The following CEP85L variants were observed in gnomAD, a reference collection of about 807,000 sequenced individuals.
The protein encoded by CEP85L is centrosomal protein of 85 kDa-like.
Under a neutral mutation model 100.3 loss-of-function variants are expected in CEP85L, and 60 were observed. The observed-to-expected ratio is 0.60, with a 90% CI of 0.49 to 0.74. CEP85L has a LOEUF of 0.74. Among genes scored for constraint, CEP85L ranks in the 30% least tolerant of loss-of-function variants. CEP85L has a pLI of 0.00. For synonymous variants in CEP85L, 319 were observed against 322.7 expected, an observed-to-expected ratio of 0.99 and a Z score of 0.12; for missense variants, 973 against 936.2, an observed-to-expected ratio of 1.04 and a Z score of -0.51.
intron 3 of CEP85L, among the ~76,000 whole-genome samples, chr6:118,540,833 T>A (rs1777869392): frequency 6.6e-6 from 1 of 152,156 alleles, no homozygotes; most frequent in Non-Finnish European, 1.5e-5. Context: ...CTCATTTCAG[T>A]CAGACCTAGG....
intron 3 of CEP85L, among the ~76,000 whole-genome samples, chr6:118,542,860 C>T (rs1459654277): frequency 7.6e-6 from 1 of 130,956 alleles, no homozygotes; most frequent in Admixed American, 8.8e-5. Context: ...CTGCTAGGAG[C>T]CACATAACCA....
intron 3 of CEP85L, 99 bp downstream of exon 3, chr6:118,565,430 A>C: frequency 8.3e-7 from 1 of 1,197,966 alleles, no homozygotes; most frequent in African/African-American, 1.5e-5. Flanking sequence ...AAGGAAATGC[A>C]AAACAATCTG....
chr6:118,515,916 T>C (rs1280597246), intron 4 of CEP85L, among the ~76,000 whole-genome samples: 2 of 152,048 alleles, frequency 1.3e-5, no homozygotes, highest in East Asian at 1.9e-4. Context: ...CACCCCCAGA[T>C]AGGCCCTGGT....
At chr6:118,492,511 T>C (rs1280170011) in intron 5 of CEP85L, among the ~76,000 whole-genome samples, 1 of 152,148 alleles carries the variant, frequency 6.6e-6, no homozygotes, top group Non-Finnish European at 1.5e-5. Context: ...AAGGAAATTC[T>C]TTTCAAGGGG....
chr6:118,489,940 C>CAT (rs989427655), intron 6 of CEP85L, among the ~76,000 whole-genome samples: 8 of 151,748 alleles, frequency 5.3e-5, no homozygotes, highest in Non-Finnish European at 1.0e-4. Context: ...CACACACACA[C>CAT]ATATATACAC....
chr6:118,499,556 C>T (rs1775140788), intron 5 of CEP85L, among the ~76,000 whole-genome samples: 3 of 151,830 alleles, frequency 2.0e-5, no homozygotes, highest in East Asian at 1.9e-4. Context: ...CCTAGCTACT[C>T]GGGAGGCTGA....
intron 3 of CEP85L, among the ~76,000 whole-genome samples, chr6:118,542,503 A>G (rs1777950405): frequency 6.6e-6 from 1 of 152,166 alleles, no homozygotes; most frequent in African/African-American, 2.4e-5. Flanking sequence ...GTTTAGTATA[A>G]TCAGAACATT....
intron 1 of CEP85L, among the ~76,000 whole-genome samples, chr6:118,701,572 T>C (rs920120878): frequency 9.2e-5 from 14 of 152,224 alleles, no homozygotes; most frequent in African/African-American, 2.6e-4. Context: ...AAGTGAAACA[T>C]TGAGTATTCA....
intron 1 of CEP85L, among the ~76,000 whole-genome samples, chr6:118,640,370 G>A (rs1406079994): frequency 4.6e-5 from 7 of 152,080 alleles, no homozygotes; most frequent in Non-Finnish European, 1.0e-4. Flanking sequence ...GGCTACCTGG[G>A]TTCAAGTTCA....
chr6:118,470,494 G>T, intron 11 of CEP85L, 43 bp downstream of exon 11: 1 of 1,175,108 alleles, frequency 8.5e-7, no homozygotes, highest in Non-Finnish European at 1.2e-6. Flanking sequence ...GCATTTTATA[G>T]TGAATCATCC....
Position 118,500,831 on chromosome 6 carries a change from C to G in CEP85L, c.1258-8966G>C, listed in dbSNP as rs117982083. ...TACCCTGTCTCAAACAAACAAACATCTTGAAGGGACATCTGTTCTACTTCT... is the reference window on the plus strand; with the variant it reads ...TACCCTGTCTCAAACAAACAAACATGTTGAAGGGACATCTGTTCTACTTCT... On this transcript the variant is annotated intron_variant, in intron 5 of 12. Coordinates refer to ENST00000368491, the MANE Select transcript of CEP85L (RefSeq NM_001042475.3). 7.3e-3 allele frequency among the ~76,000 whole-genome samples: 1,117 copies of G among 152,302 alleles called. 6 individuals carry two copies. Among genetic ancestry groups the G allele is most frequent in the Middle Eastern group, 0.014 (4 of 294 alleles).
intron 3 of CEP85L, among the ~76,000 whole-genome samples, chr6:118,527,002 CTTTTTTTTTT>C (rs764883723): frequency 4.1e-5 from 4 of 98,734 alleles, no homozygotes; most frequent in Non-Finnish European, 5.7e-5. Flanking sequence ...TTTACTTTTT[CTTTTTTTTTT>C]TTTTTTTTTT....
At chr6:118,591,831 G>A (rs1015510374) in intron 2 of CEP85L, among the ~76,000 whole-genome samples, 20 of 152,128 alleles carry the variant, frequency 1.3e-4, no homozygotes, top group African/African-American at 4.3e-4. Context: ...ACCCTCCACC[G>A]GTAACAGAGC....
chr6:118,465,182 G>T lies in CEP85L; in HGVS notation c.*223C>A. 2.1e-6 allele frequency: 1 copy of T among 465,438 alleles called. No homozygotes were observed. Among genetic ancestry groups the T allele is most frequent in the African/African-American group, 2.0e-5 (1 of 50,050 alleles). 28.8% of individuals were successfully genotyped at this position (465,438 alleles called of 1,614,324 possible). A position where few individuals can be genotyped will look rare whatever the true frequency, so the allele number is the denominator to read the frequency against. Reference sequence around the variant, plus strand: ...GAATATAGACATTTTTTTCCTTGTAGATTTTATCATATTTTCCAAAGGTAA... The same window carrying T: ...GAATATAGACATTTTTTTCCTTGTATATTTTATCATATTTTCCAAAGGTAA... On this transcript the variant is annotated 3_prime_UTR_variant, in exon 13 of 13. Transcript: ENST00000368491.
intron 4 of CEP85L, among the ~76,000 whole-genome samples, chr6:118,516,276 G>A (rs1462166752): frequency 6.6e-6 from 1 of 152,174 alleles, no homozygotes; most frequent in Non-Finnish European, 1.5e-5. Flanking sequence ...CCAGTAATGG[G>A]ATTGCTGGGT....
chr6:118,675,281 C>CTA (rs1051053654), intron 1 of CEP85L, among the ~76,000 whole-genome samples: 8 of 151,778 alleles, frequency 5.3e-5, no homozygotes, highest in African/African-American at 1.9e-4. Flanking sequence ...TATATATTGT[C>CTA]TATATATATA....
rs565903807 is a variant in CEP85L at position 118,463,308 on chromosome 6, G to A, written c.*2097C>T. 1.3e-4 allele frequency: 19 copies of A among 151,934 alleles called. No homozygotes were observed. Among genetic ancestry groups the A allele is most frequent in the African/African-American group, 4.6e-4 (19 of 41,478 alleles). 9.4% of individuals were successfully genotyped at this position (151,934 alleles called of 1,614,324 possible). A position where few individuals can be genotyped will look rare whatever the true frequency, so the allele number is the denominator to read the frequency against. On this transcript the variant is annotated 3_prime_UTR_variant, in exon 13 of 13. Transcript: ENST00000368491. ...CAAAACATACACTAAAAATCTAGGA[G>A]AGATATTTAAGTAAGAACCTACTGG...
intron 1 of CEP85L, among the ~76,000 whole-genome samples, chr6:118,650,602 G>C (rs1468166153): frequency 2.0e-5 from 3 of 152,186 alleles, no homozygotes; most frequent in Non-Finnish European, 4.4e-5. Flanking sequence ...CGGCGACCAG[G>C]TTCCTCCGAG....
At chr6:118,694,674 G>A (rs1218766003) in intron 1 of CEP85L, among the ~76,000 whole-genome samples, 5 of 152,168 alleles carry the variant, frequency 3.3e-5, no homozygotes, top group Non-Finnish European at 7.4e-5. Context: ...ATAGTTCAGT[G>A]GGAAGTGTTT....
Sources: gnomAD v4.1 joint callset for allele counts (sites outside exome capture counted in the v4.1 genomes callset) on GRCh38, gnomAD v4.1.1 for gene constraint, MANE v1.5 for transcripts, NCBI Gene and HGNC (gene_info 2026-07-23, HGNC 2026-07-21) for gene names.